MCUB: variants seen among roughly 807,000 people sequenced by gnomAD.
MCUB encodes calcium uniporter regulatory subunit MCUb, mitochondrial.
In MCUB, 46 loss-of-function variants were observed where a neutral mutation model predicts 41.4. The ratio of observed to expected loss-of-function variants is 1.11; its 90% CI spans 0.88 to 1.42. The LOEUF is 1.42. MCUB is among the 40% of genes most tolerant of loss of function. The pLI is 0.00. For synonymous variants in MCUB, 148 were observed against 148.2 expected, an observed-to-expected ratio of 1.00 and a Z score of 0.01; for missense variants, 403 against 404.9, an observed-to-expected ratio of 1.00 and a Z score of 0.04.
chr4:109,560,535 C>A, intron 1 of MCUB, 99 bp downstream of exon 1: 1 of 568,258 alleles, frequency 1.8e-6, no homozygotes, highest in South Asian at 8.5e-5. Flanking sequence ...GCCGAGCAGT[C>A]AACTGCGTTT....
chr4:109,614,047 G>A (rs1728074702), intron 1 of MCUB, among the ~76,000 whole-genome samples: 1 of 152,156 alleles, frequency 6.6e-6, no homozygotes, highest in African/African-American at 2.4e-5. Flanking sequence ...ACCACAACCA[G>A]ATATTCCTAA....
intron 4 of MCUB, among the ~76,000 whole-genome samples, chr4:109,666,099 T>C (rs1380454385): frequency 2.6e-5 from 4 of 152,160 alleles, no homozygotes; most frequent in African/African-American, 4.8e-5. Flanking sequence ...CTTAGTAATA[T>C]GCATTTAAGT....
chr4:109,662,833 T>C (rs1256900721), intron 3 of MCUB, among the ~76,000 whole-genome samples: 2 of 152,172 alleles, frequency 1.3e-5, no homozygotes, highest in Non-Finnish European at 2.9e-5. Context: ...TTTTTCTTCT[T>C]TTTAAAAGAC....
Position 109,670,703 on chromosome 4 carries a change from G to A in MCUB, c.451+6309G>A, listed in dbSNP as rs369045259. Among the ~76,000 whole-genome samples, 55 of 150,952 alleles carry A rather than the reference G, an allele frequency of 3.6e-4. No homozygotes were observed. The South Asian group carries it at 8.0e-3, about 22-fold the overall frequency. On this transcript the variant is annotated intron_variant, in intron 4 of 7. Transcript: ENST00000394650. ...TGCACTCCAGCCTGGGCAACAGAGC[G>A]AGGAGACTCTGTCTCCAAAAAAAAA... is the stretch of plus-strand genomic sequence containing the variant.
At chr4:109,688,717 TGAC>T (rs1194032318) in exon 8 of MCUB, 2 of 152,192 alleles carry the variant, frequency 1.3e-5, no homozygotes, top group African/African-American at 4.8e-5. Context: ...TATAAAAAAG[TGAC>T]AAAATACAAG....
chr4:109,629,052 C>T (rs182185083), intron 1 of MCUB, among the ~76,000 whole-genome samples: 18 of 152,196 alleles, frequency 1.2e-4, no homozygotes, highest in African/African-American at 1.9e-4. Flanking sequence ...AGGGTCTTAG[C>T]GAAATTTAGA....
At chr4:109,612,282 T>TTTGA (rs1728027514) in intron 1 of MCUB, among the ~76,000 whole-genome samples, 3 of 146,186 alleles carry the variant, frequency 2.1e-5, no homozygotes, top group East Asian at 2.0e-4. Context: ...TTTTTTTTTT[T>TTTGA]GAGAGCGTCT....
In MCUB at chr4:109,684,895, CTG is replaced by C; in HGVS notation, c.816+252_816+253del. 3 of 416,534 alleles carry C rather than the reference CTG, an allele frequency of 7.2e-6. No homozygotes were observed. In the East Asian group the frequency reaches 1.1e-4, roughly 16 times the overall value. 25.8% of individuals were successfully genotyped at this position (416,534 alleles called of 1,614,324 possible). A position where few individuals can be genotyped will look rare whatever the true frequency, so the allele number is the denominator to read the frequency against. On this transcript the variant is annotated intron_variant, in intron 6 of 7. Coordinates refer to ENST00000394650, the MANE Select transcript of MCUB (RefSeq NM_017918.5). ...CTCCATTGGGATAAATATGTGTTCTCTGTGCCCTCATTTATAAAAAAAACTGA... is the reference window on the plus strand; with the variant it reads ...CTCCATTGGGATAAATATGTGTTCTCTGCCCTCATTTATAAAAAAAACTGA...
chr4:109,624,663 T>C (rs1579071037), intron 1 of MCUB, among the ~76,000 whole-genome samples: 1 of 152,162 alleles, frequency 6.6e-6, no homozygotes, highest in East Asian at 1.9e-4. Flanking sequence ...GAAGAAGTTA[T>C]ACCTGAGGCA....
At chr4:109,575,658 A>C (rs778416305) in intron 1 of MCUB, among the ~76,000 whole-genome samples, 7 of 152,226 alleles carry the variant, frequency 4.6e-5, no homozygotes, top group Admixed American at 1.3e-4. Flanking sequence ...CTGACACCAA[A>C]GTCTAACCTC....
intron 1 of MCUB, among the ~76,000 whole-genome samples, chr4:109,649,367 T>G (rs2126142205): frequency 6.6e-6 from 1 of 151,798 alleles, no homozygotes; most frequent in South Asian, 2.1e-4. Context: ...TTTTTCTCTC[T>G]TCATTTAGTT....
chr4:109,602,827 TCTA>T (rs1488209508), intron 1 of MCUB, among the ~76,000 whole-genome samples: 8 of 152,224 alleles, frequency 5.3e-5, no homozygotes, highest in African/African-American at 1.9e-4. Context: ...TATTGATTCT[TCTA>T]ATCGATGAAC....
Position 109,633,100 on chromosome 4 carries a change from T to C in MCUB, c.100-25911T>C, listed in dbSNP as rs560146860. On this transcript the variant is annotated intron_variant, in intron 1 of 7. Transcript: ENST00000394650. ...ACATGTGATAGAAATACATACATTG[T>C]ATTATAGGAAGGGATCCAAAATGAA... Among the ~76,000 whole-genome samples the C allele has an allele frequency of 9.1e-4, 139 of 152,312 alleles. 1 individual carries two copies. The highest frequency in any genetic ancestry group is 1.6e-3 in the Non-Finnish European group (110 of 68,020).
At position 109,592,004 on chromosome 4, in the gene MCUB, G is replaced by A. The variant is rs371713483; in HGVS notation, c.99+31568G>A. On this transcript the variant is annotated intron_variant, in intron 1 of 7. Transcript: ENST00000394650. ...CGTGAGCCACGACGCCCAGCCTCTC[G>A]AGTATTTTCTTAACTTGATCTTTTA... Among the ~76,000 whole-genome samples the A allele has an allele frequency of 5.3e-5, 8 of 152,146 alleles. No homozygotes were observed. In the East Asian group the frequency reaches 1.2e-3, roughly 22 times the overall value.
At chr4:109,635,018 G>T (rs1459418693) in intron 1 of MCUB, among the ~76,000 whole-genome samples, 1 of 150,828 alleles carries the variant, frequency 6.6e-6, no homozygotes, top group African/African-American at 2.5e-5. Flanking sequence ...TGCTCTCACT[G>T]TTCAACTCCT....
intron 4 of MCUB, among the ~76,000 whole-genome samples, chr4:109,669,610 T>C (rs542648523): frequency 6.6e-6 from 1 of 152,144 alleles, no homozygotes; most frequent in Admixed American, 6.5e-5. Flanking sequence ...ATTCTTCTGT[T>C]CTTTCCTTTC....
At chr4:109,634,470 C>G (rs968286650) in intron 1 of MCUB, among the ~76,000 whole-genome samples, 2 of 136,374 alleles carry the variant, frequency 1.5e-5, no homozygotes, top group Admixed American at 8.1e-5. Flanking sequence ...GCAACAAGAG[C>G]GAAACTCTGT....
At chr4:109,572,154 T>C (rs980642962) in intron 1 of MCUB, among the ~76,000 whole-genome samples, 12 of 152,258 alleles carry the variant, frequency 7.9e-5, no homozygotes, top group Non-Finnish European at 1.6e-4. Context: ...AACAGGAACA[T>C]TTGACACCTT....
At chr4:109,648,542 A>G (rs542329358) in intron 1 of MCUB, 10 of 407,218 alleles carry the variant, frequency 2.5e-5, no homozygotes, top group South Asian at 1.4e-4. Flanking sequence ...GAAAAAATTT[A>G]TTTTCACAGT....
Sources: allele counts gnomAD v4.1 joint callset (sites outside exome capture counted in the v4.1 genomes callset), GRCh38; gene constraint gnomAD v4.1.1; transcripts MANE v1.5; gene names NCBI Gene and HGNC (gene_info 2026-07-23, HGNC 2026-07-21).